Variants in SLC17A4 observed in about 807,000 individuals in gnomAD.
The protein encoded by SLC17A4 is probable small intestine urate exporter.
SLC17A4 carries 33 observed loss-of-function variants against 52.5 expected under a neutral mutation model. The observed-to-expected ratio is 0.63, with a 90% CI of 0.48 to 0.84. The LOEUF (loss-of-function observed/expected upper bound fraction) is 0.84, where lower values mean the gene tolerates loss of function less well. Among genes scored for constraint, SLC17A4 ranks in the 40% least tolerant of loss-of-function variants. The pLI is 0.00. For synonymous variants in SLC17A4, 225 were observed against 216.2 expected, an observed-to-expected ratio of 1.04 and a Z score of -0.36; for missense variants, 585 against 597.1, an observed-to-expected ratio of 0.98 and a Z score of 0.21.
At chr6:25,773,792 A>T in intron 8 of SLC17A4, 118 bp downstream of exon 8, 1 of 982,332 alleles carries the variant, frequency 1.0e-6, no homozygotes, top group Non-Finnish European at 1.5e-6. Flanking sequence ...ACCAGGCAGG[A>T]CCTCCATATA....
At chr6:25,760,444 G>C (rs1761435377) in intron 1 of SLC17A4, among the ~76,000 whole-genome samples, 1 of 151,982 alleles carries the variant, frequency 6.6e-6, no homozygotes, top group African/African-American at 2.4e-5. Flanking sequence ...ATATGTTTAG[G>C]TGTAAATTTC....
At chr6:25,776,289 C>A (rs1462962975) in intron 8 of SLC17A4, among the ~76,000 whole-genome samples, 1 of 151,624 alleles carries the variant, frequency 6.6e-6, no homozygotes, top group African/African-American at 2.4e-5. Context: ...TTTTTTTCTT[C>A]TTTTCTTTTT....
rs1158588123 is a variant in SLC17A4 at position 25,780,759 on chromosome 6, T to A, written c.*1571T>A. On this transcript the variant is annotated 3_prime_UTR_variant, in exon 12 of 12. Coordinates refer to ENST00000377905, the MANE Select transcript of SLC17A4 (RefSeq NM_005495.3). ...CAGGAGAGAACAATGGCCCCTGGCA[T>A]GAGGCAATAGACATGGTGAGAGGTG... is the stretch of plus-strand genomic sequence containing the variant. 6.6e-6 allele frequency: 1 copy of A among 152,186 alleles called. No homozygotes were observed. Among genetic ancestry groups the A allele is most frequent in the East Asian group, 1.9e-4 (1 of 5,190 alleles). The allele number at this position is 152,186 out of a possible 1,614,324, so 9.4% of individuals were successfully genotyped here.
Position 25,779,066 on chromosome 6 carries a change from G to T in SLC17A4, c.1372G>T (p.Gly458Cys). ...GFFISQDSEF[G>C]WRNVFLLSAA... ...TTTCTGCCTCCAGGATTCAGAGTTTGGTTGGAGAAATGTCTTCTTGCTTTC... is the reference window on the plus strand; with the variant it reads ...TTTCTGCCTCCAGGATTCAGAGTTTTGTTGGAGAAATGTCTTCTTGCTTTC... Residue 458 changes from glycine to cysteine, a missense_variant, in exon 12 of 12, where the codon GGT becomes TGT. By Grantham distance (159) the Gly-to-Cys change is radical (BLOSUM62 -3). Coordinates refer to ENST00000377905, the MANE Select transcript of SLC17A4 (RefSeq NM_005495.3). 1 of 1,613,718 alleles carries T rather than the reference G, an allele frequency of 6.2e-7. No homozygotes were observed. Among genetic ancestry groups the T allele is most frequent in the Middle Eastern group, 1.7e-4 (1 of 6,054 alleles).
rs756938602 is a variant in SLC17A4 at position 25,770,284 on chromosome 6, T to C, written c.515T>C (p.Val172Ala). 1.9e-6 allele frequency: 3 copies of C among 1,614,110 alleles called. No homozygotes were observed. Among genetic ancestry groups the C allele is most frequent in the South Asian group, 2.2e-5 (2 of 91,084 alleles). Reference protein sequence around the residue: ...GVALLIVLRIVQGIAQVMVLT... With the variant: ...GVALLIVLRIAQGIAQVMVLT... ...GCCTTGCTCATTGTCCTCCGGATTG[T>C]ACAAGGCATAGCCCAGGTACCAAGA... is the stretch of plus-strand genomic sequence containing the variant. Residue 172 changes from valine (V) to alanine (A), a missense_variant, in exon 4 of 12, where the codon GTA becomes GCA. By Grantham distance (64) the Val-to-Ala change is moderately conservative (BLOSUM62 0). Transcript: ENST00000377905.
intron 1 of SLC17A4, among the ~76,000 whole-genome samples, chr6:25,759,972 C>T (rs754992732): frequency 1.3e-5 from 2 of 152,266 alleles, no homozygotes; most frequent in Middle Eastern, 3.4e-3. Flanking sequence ...AAGGAATGTC[C>T]TGAAACATAT....
intron 8 of SLC17A4, among the ~76,000 whole-genome samples, chr6:25,775,819 A>G (rs565027509): frequency 2.6e-5 from 4 of 152,318 alleles, no homozygotes; most frequent in Admixed American, 6.5e-5. Context: ...TTTAAAATAC[A>G]AAACAGTATA....
chr6:25,765,851 C>T (rs1437066184), intron 2 of SLC17A4, among the ~76,000 whole-genome samples: 1 of 151,834 alleles, frequency 6.6e-6, no homozygotes, highest in Non-Finnish European at 1.5e-5. Context: ...GAACTCAAAT[C>T]ATGAAAAAAT....
chr6:25,777,965 A>C lies in SLC17A4; in HGVS notation c.1308A>C (p.Ala436=), dbSNP rs746620660. ...GFLKGLLQVF[A]HIAGAISPTA... is the part of the protein sequence containing the mutation. The stretch of plus-strand genomic sequence containing the variant: ...TCAAAGGACTATTGCAAGTCTTTGC[A>C]CACATAGCTGGAGCCATCTCTCCTA... The change falls in exon 11 of 12, where the codon GCA becomes GCC. Residue 436 remains alanine (A), a synonymous_variant. Coordinates refer to ENST00000377905, the MANE Select transcript of SLC17A4 (RefSeq NM_005495.3). 3 of 1,613,230 alleles carry C rather than the reference A, an allele frequency of 1.9e-6. No homozygotes were observed. In the Admixed American group the frequency reaches 5.0e-5, roughly 27 times the overall value.
intron 1 of SLC17A4, among the ~76,000 whole-genome samples, chr6:25,758,787 A>C (rs1761254994): frequency 1.3e-5 from 2 of 151,688 alleles, no homozygotes; most frequent in Non-Finnish European, 2.9e-5. Context: ...TGTTTGTTTC[A>C]ATTTCCACTT....
chr6:25,759,751 G>T (rs915410156), intron 1 of SLC17A4, among the ~76,000 whole-genome samples: 3 of 152,064 alleles, frequency 2.0e-5, no homozygotes, highest in Non-Finnish European at 4.4e-5. Flanking sequence ...TTTACCTTAA[G>T]TTTATGTGAA....
At chr6:25,767,242 C>T (rs1762097985) in intron 2 of SLC17A4, among the ~76,000 whole-genome samples, 1 of 152,044 alleles carries the variant, frequency 6.6e-6, no homozygotes, top group Admixed American at 6.6e-5. Context: ...ACATTTTAAG[C>T]TCAACTATAT....
Position 25,779,952 on chromosome 6 carries a change from T to C in SLC17A4, c.*764T>C, listed in dbSNP as rs1048175586. The C allele has an allele frequency of 6.6e-6, 1 of 152,250 alleles. No individual in the cohort carries two copies. The highest frequency in any genetic ancestry group is 1.5e-5 in the Non-Finnish European group (1 of 68,050). The allele number at this position is 152,250 out of a possible 1,614,324, so 9.4% of individuals were successfully genotyped here. On this transcript the variant is annotated 3_prime_UTR_variant, in exon 12 of 12. Transcript: ENST00000377905. ...AGCACTGCTTTTGGACAGTGACCCA[T>C]GATATCTGCCTTCGTTTGCCCCTCT...
chr6:25,764,579 C>T (rs1761843746), intron 2 of SLC17A4, among the ~76,000 whole-genome samples: 1 of 152,222 alleles, frequency 6.6e-6, no homozygotes. Context: ...GAGCCAAGAG[C>T]TCATAAAACT....
intron 2 of SLC17A4, 43 bp downstream of exon 2, chr6:25,762,096 T>A (rs1487834940): frequency 6.5e-7 from 1 of 1,537,716 alleles, no homozygotes; most frequent in Non-Finnish European, 8.9e-7. Flanking sequence ...AAAACTAGGA[T>A]CTGTGGCACT....
At chr6:25,755,491 C>T (rs1760935338) in intron 1 of SLC17A4, among the ~76,000 whole-genome samples, 1 of 152,124 alleles carries the variant, frequency 6.6e-6, no homozygotes, top group Non-Finnish European at 1.5e-5. Context: ...GGAAAAGTCT[C>T]ATTCTACAGT....
In SLC17A4 at chr6:25,781,152, T is replaced by C. The variant is rs1763257390; in HGVS notation, c.*1964T>C. The C allele has an allele frequency of 6.7e-6, 1 of 148,698 alleles. No individual in the cohort carries two copies. The highest frequency in any genetic ancestry group is 6.8e-5 in the Admixed American group (1 of 14,798). 9.2% of individuals were successfully genotyped at this position (148,698 alleles called of 1,614,324 possible). On this transcript the variant is annotated 3_prime_UTR_variant, in exon 12 of 12. Transcript: ENST00000377905. ...AGCCTTAAAGAATTCCAGTATTTAATGGTCAGCTGGAGGATGATTAGCAGA... is the reference window on the plus strand; with the variant it reads ...AGCCTTAAAGAATTCCAGTATTTAACGGTCAGCTGGAGGATGATTAGCAGA...
intron 11 of SLC17A4, 51 bp downstream of exon 11, chr6:25,778,067 T>G: frequency 7.5e-7 from 1 of 1,325,398 alleles, no homozygotes; most frequent in Non-Finnish European, 1.1e-6. Context: ...TATAGAGGCA[T>G]GGTTTTTTCA....
Position 25,780,772 on chromosome 6 carries a change from A to G in SLC17A4, c.*1584A>G, listed in dbSNP as rs1763249657. The G allele has an allele frequency of 1.3e-5, 2 of 152,188 alleles. No individual in the cohort carries two copies. Among genetic ancestry groups the G allele is most frequent in the South Asian group, 4.1e-4 (2 of 4,822 alleles). 9.4% of individuals were successfully genotyped at this position (152,188 alleles called of 1,614,324 possible). On this transcript the variant is annotated 3_prime_UTR_variant, in exon 12 of 12. Transcript: ENST00000377905. ...TGGCCCCTGGCATGAGGCAATAGAC[A>G]TGGTGAGAGGTGAATGGATTATTTG...
Sources: gnomAD v4.1 joint callset for allele counts (sites outside exome capture counted in the v4.1 genomes callset) on GRCh38, gnomAD v4.1.1 for gene constraint, MANE v1.5 for transcripts, NCBI Gene and HGNC (gene_info 2026-07-23, HGNC 2026-07-21) for gene names.